ZNF225: variants seen among roughly 807,000 people sequenced by gnomAD.
ZNF225 encodes the protein zinc finger protein 225.
In ZNF225, 6 loss-of-function variants were observed where a neutral mutation model predicts 12.0. That is an observed-to-expected ratio of 0.50 (90% confidence interval 0.27 to 0.98). ZNF225 has a LOEUF of 0.98. ZNF225 is among the 50% of genes least tolerant of loss of function. The pLI is 0.11. For missense variants in ZNF225, 763 were observed against 848.2 expected, an observed-to-expected ratio of 0.90 and a Z score of 1.25; for synonymous variants, 271 against 283.2, an observed-to-expected ratio of 0.96 and a Z score of 0.43.
At chr19:44,118,880 A>C (rs868237963) in intron 4 of ZNF225, among the ~76,000 whole-genome samples, 2 of 150,272 alleles carry the variant, frequency 1.3e-5, no homozygotes, top group Non-Finnish European at 3.0e-5. Flanking sequence ...GCAGTGGTGC[A>C]ATCTCGGCTC....
rs1777395345 is a variant in ZNF225, at chr19:44,131,517, A to G, written c.903A>G (p.Ala301=). 6.2e-7 allele frequency: 1 copy of G among 1,614,220 alleles called. No homozygotes were observed. The highest frequency in any genetic ancestry group is 8.5e-7 in the Non-Finnish European group (1 of 1,180,018). ...DICCKSFRSR[A]NLNRHSMVHM... ...GTTGTAAGAGCTTCCGTAGTAGAGCAAATCTTAATAGGCATTCCATGGTTC... is the reference window on the plus strand; with the variant it reads ...GTTGTAAGAGCTTCCGTAGTAGAGCGAATCTTAATAGGCATTCCATGGTTC... The change falls in exon 5 of 5, where the codon GCA becomes GCG. Residue 301 remains alanine, a synonymous_variant. Coordinates refer to ENST00000262894, the MANE Select transcript of ZNF225 (RefSeq NM_013362.4).
intron 4 of ZNF225, among the ~76,000 whole-genome samples, chr19:44,121,966 G>A (rs1261322021): frequency 6.6e-6 from 1 of 152,174 alleles, no homozygotes; most frequent in African/African-American, 2.4e-5. Flanking sequence ...TCTGGTGACT[G>A]TTCCTTTTGC....
intron 4 of ZNF225, chr19:44,128,354 A>G (rs1266855949): frequency 6.6e-6 from 1 of 152,322 alleles, no homozygotes; most frequent in Non-Finnish European, 1.5e-5. Context: ...ATGGTGCTGT[A>G]TTTTGAACTG....
chr19:44,116,617 A>G (rs987319797), intron 2 of ZNF225, among the ~76,000 whole-genome samples: 1 of 152,254 alleles, frequency 6.6e-6, no homozygotes, highest in Non-Finnish European at 1.5e-5. Flanking sequence ...TGTACAGAAT[A>G]GAAAAAGAAA....
intron 2 of ZNF225, 109 bp from the exon 3 acceptor site, chr19:44,118,079 C>A: frequency 1.6e-6 from 2 of 1,283,312 alleles, no homozygotes; most frequent in Non-Finnish European, 2.1e-6. Context: ...ACCTATGTCT[C>A]TCAAGATCCA....
Position 44,132,525 on chromosome 19 carries a change from A to T in ZNF225, c.1911A>T (p.Ser637=). The T allele has an allele frequency of 6.2e-7, 1 of 1,614,058 alleles. No individual in the cohort carries two copies. Among genetic ancestry groups the T allele is most frequent in the Non-Finnish European group, 8.5e-7 (1 of 1,179,946 alleles). ...EKCGKSFRWA[S]THLTHQRLHS... is the part of the protein sequence containing the mutation. ...GTGGAAAGAGCTTCAGATGGGCCTC[A>T]ACTCATCTAACCCATCAGAGACTCC... The change falls in exon 5 of 5, where the codon TCA becomes TCT. Residue 637 remains serine (S), a synonymous_variant. Coordinates refer to ENST00000262894, the MANE Select transcript of ZNF225 (RefSeq NM_013362.4).
At chr19:44,129,203 A>G (rs960582877) in intron 4 of ZNF225, 4 of 863,474 alleles carry the variant, frequency 4.6e-6, no homozygotes, top group Non-Finnish European at 6.1e-6. Flanking sequence ...AAATACTCCT[A>G]GGTATTTGAT....
At chr19:44,129,183 A>G (rs1406690652) in intron 4 of ZNF225, 2 of 1,032,420 alleles carry the variant, frequency 1.9e-6, no homozygotes, top group East Asian at 6.5e-5. Flanking sequence ...TACTCTGAAA[A>G]TGTAGACATA....
chr19:44,119,874 T>C (rs1968017778), intron 4 of ZNF225, among the ~76,000 whole-genome samples: 1 of 152,170 alleles, frequency 6.6e-6, no homozygotes, highest in Admixed American at 6.5e-5. Flanking sequence ...TTTAAGCATA[T>C]TCAAGTCTCT....
chr19:44,134,275 A>C lies in ZNF225; in HGVS notation c.*1540A>C, dbSNP rs1968346387. ...GAAATTAATTATCAACCCGTACCAA[A>C]GGTTCTTATTGGAACTAATCATGTA... On this transcript the variant is annotated 3_prime_UTR_variant, in exon 5 of 5. Transcript: ENST00000262894. The C allele has an allele frequency of 6.6e-6, 1 of 152,198 alleles. No homozygotes were observed. The highest frequency in any genetic ancestry group is 2.1e-4 in the South Asian group (1 of 4,828). The allele number at this position is 152,198 out of a possible 1,614,324, so 9.4% of individuals were successfully genotyped here. A position where few individuals can be genotyped will look rare whatever the true frequency, so the allele number is the denominator to read the frequency against.
At chr19:44,119,096 G>A (rs1002508788) in intron 4 of ZNF225, among the ~76,000 whole-genome samples, 6 of 152,146 alleles carry the variant, frequency 3.9e-5, no homozygotes, top group Admixed American at 1.3e-4. Flanking sequence ...GATTACAGGC[G>A]TGAGCCACCG....
At chr19:44,114,207 G>A (rs1381121129) in intron 1 of ZNF225, 3 of 1,034,698 alleles carry the variant, frequency 2.9e-6, no homozygotes, top group East Asian at 5.1e-5. Context: ...TGAGGGCAAA[G>A]CTCTACGTGA....
intron 4 of ZNF225, among the ~76,000 whole-genome samples, chr19:44,122,091 T>A (rs1472882458): frequency 6.6e-6 from 1 of 152,172 alleles, no homozygotes; most frequent in Non-Finnish European, 1.5e-5. Context: ...CTAGAAGGAT[T>A]TTTCCAATGT....
At chr19:44,114,359 T>C (rs575286119) in intron 1 of ZNF225, 47 of 393,756 alleles carry the variant, frequency 1.2e-4, no homozygotes, top group African/African-American at 8.9e-4. Flanking sequence ...TTTCATCGTT[T>C]TTTCTTGGTA....
intron 2 of ZNF225, 27 bp from the exon 3 acceptor site, chr19:44,118,160 CT>C (rs1488909537): frequency 6.3e-7 from 1 of 1,599,490 alleles, no homozygotes; most frequent in South Asian, 1.1e-5. Flanking sequence ...GGTCATGAGA[CT>C]GAGGTTGCAT....
rs1306861512 is a variant in ZNF225 at position 44,132,616 on chromosome 19, A to C, written c.2002A>C (p.Lys668Gln). ...GAGCATTGTGCACAGTTCATGCCTT[A>C]AAGACCAACAAAGAGACCAAAGTGG... ...GKSIVHSSCL[K>Q]DQQRDQSGEK... Residue 668 changes from lysine (K) to glutamine (Q), a missense_variant, in exon 5 of 5, where the codon AAA becomes CAA. Coordinates refer to ENST00000262894, the MANE Select transcript of ZNF225 (RefSeq NM_013362.4). The C allele has an allele frequency of 1.2e-6, 2 of 1,613,750 alleles. No homozygotes were observed. The highest frequency in any genetic ancestry group is 1.3e-5 in the African/African-American group (1 of 74,872).
At chr19:44,117,985 C>T (rs1432859457) in intron 2 of ZNF225, among the ~76,000 whole-genome samples, 3 of 152,074 alleles carry the variant, frequency 2.0e-5, no homozygotes, top group East Asian at 3.8e-4. Flanking sequence ...TGCCACTGCA[C>T]TCCAGCCCGG....
chr19:44,121,142 C>A (rs985136567), intron 4 of ZNF225, among the ~76,000 whole-genome samples: 3 of 152,148 alleles, frequency 2.0e-5, no homozygotes, highest in African/African-American at 7.2e-5. Flanking sequence ...CGTGATCCAC[C>A]CGCCTCGGCC....
At chr19:44,111,432 C>T (rs747243829), upstream of ZNF225, among the ~76,000 whole-genome samples, 2 of 152,114 alleles carry the variant, frequency 1.3e-5, no homozygotes, top group Non-Finnish European at 2.9e-5. Flanking sequence ...GAAACTCCCT[C>T]TCAAAACAAA....
Sources: gnomAD v4.1 joint callset for allele counts (sites outside exome capture counted in the v4.1 genomes callset) on GRCh38, gnomAD v4.1.1 for gene constraint, MANE v1.5 for transcripts, NCBI Gene and HGNC (gene_info 2026-07-23, HGNC 2026-07-21) for gene names.